NELL2: variants seen among roughly 807,000 people sequenced by gnomAD.
The protein encoded by NELL2 is neural EGFL like 2.
Under a neutral mutation model 109.6 loss-of-function variants are expected in NELL2, and 41 were observed. The observed-to-expected ratio is 0.37, with a 90% confidence interval of 0.29 to 0.49. The LOEUF is 0.49. Ranked by LOEUF, NELL2 falls within the 20% of genes least tolerant of loss-of-function variation. The pLI, the probability that NELL2 is intolerant of heterozygous loss-of-function variation, is 0.98. For synonymous variants in NELL2, 355 were observed against 344.7 expected (o/e 1.03, Z -0.33); for missense variants, 900 against 1,008.3 (o/e 0.89, Z 1.45).
At chr12:44,834,643 G>A (rs1566497447) in intron 2 of NELL2, among the ~76,000 whole-genome samples, 1 of 152,122 alleles carries the variant, frequency 6.6e-6, no homozygotes, top group Non-Finnish European at 1.5e-5. Flanking sequence ...CAAGAGGTCA[G>A]GCCCCTGCCT....
chr12:44,666,503 A>C (rs1011520678), intron 12 of NELL2, among the ~76,000 whole-genome samples: 4 of 152,196 alleles, frequency 2.6e-5, no homozygotes, highest in African/African-American at 9.6e-5. Flanking sequence ...TATACTGTTA[A>C]GAGAAATGGA....
intron 12 of NELL2, among the ~76,000 whole-genome samples, chr12:44,686,022 GT>G: frequency 6.6e-6 from 1 of 152,236 alleles, no homozygotes; most frequent in South Asian, 2.1e-4. Flanking sequence ...TTCCAACTTG[GT>G]TCCATTCTCT....
At chr12:44,794,977 C>G (rs1471916444) in intron 3 of NELL2, among the ~76,000 whole-genome samples, 1 of 152,130 alleles carries the variant, frequency 6.6e-6, no homozygotes, top group African/African-American at 2.4e-5. Context: ...AATTTATGCC[C>G]TTGTTAGTCA....
intron 2 of NELL2, among the ~76,000 whole-genome samples, chr12:44,873,747 A>C (rs112113548): frequency 0.013 from 1,531 of 116,098 alleles, 10 homozygotes; most frequent in African/African-American, 0.012. Flanking sequence ...ACAACAACAA[A>C]AAAAAAAAAA....
intron 9 of NELL2, among the ~76,000 whole-genome samples, chr12:44,741,807 C>A (rs1939987052): frequency 6.6e-6 from 1 of 152,182 alleles, no homozygotes; most frequent in Admixed American, 6.5e-5. Context: ...AACAAAGCAG[C>A]CTGGAAGCTG....
intron 15 of NELL2, among the ~76,000 whole-genome samples, chr12:44,577,438 G>A (rs1944139041): frequency 7.1e-6 from 1 of 140,338 alleles, no homozygotes; most frequent in Non-Finnish European, 1.5e-5. Flanking sequence ...TGTAGATTCT[G>A]GATATTAGCC....
chr12:44,518,420 AT>A (rs1395097692), intron 19 of NELL2, among the ~76,000 whole-genome samples: 8 of 151,652 alleles, frequency 5.3e-5, no homozygotes, highest in Non-Finnish European at 8.8e-5. Flanking sequence ...AATTTTTTGT[AT>A]TTTTTAGTAG....
intron 15 of NELL2, among the ~76,000 whole-genome samples, chr12:44,537,642 C>T (rs938625803): frequency 2.0e-5 from 3 of 151,984 alleles, no homozygotes. Flanking sequence ...TTAAAGATCC[C>T]CAAAACAATG....
chr12:44,614,929 C>T (rs1945764827), intron 13 of NELL2, among the ~76,000 whole-genome samples: 1 of 151,970 alleles, frequency 6.6e-6, no homozygotes, highest in Non-Finnish European at 1.5e-5. Context: ...TGAAAAGTCA[C>T]CATTTAAGTG....
chr12:44,639,865 T>C (rs934463756), intron 13 of NELL2, among the ~76,000 whole-genome samples: 2 of 152,250 alleles, frequency 1.3e-5, no homozygotes, highest in Non-Finnish European at 2.9e-5. Context: ...TTTCAGACTC[T>C]GCATGATCGG....
At chr12:44,807,724 A>G (rs915116936) in intron 3 of NELL2, among the ~76,000 whole-genome samples, 2 of 152,060 alleles carry the variant, frequency 1.3e-5, no homozygotes, top group African/African-American at 4.8e-5. Context: ...CTGATCATTA[A>G]AAGTTACATG....
chr12:44,584,066 G>A (rs1048388325), intron 15 of NELL2, among the ~76,000 whole-genome samples: 10 of 152,166 alleles, frequency 6.6e-5, no homozygotes, highest in African/African-American at 1.4e-4. Context: ...GAGCAACAGC[G>A]CCCAGCCTTA....
At chr12:44,857,886 T>G (rs945749206) in intron 2 of NELL2, among the ~76,000 whole-genome samples, 19 of 152,038 alleles carry the variant, frequency 1.2e-4, no homozygotes, top group Non-Finnish European at 2.2e-4. Flanking sequence ...ACAGCAAAAG[T>G]AGAACAGAAG....
At chr12:44,648,855 C>A (rs1947195997) in intron 13 of NELL2, among the ~76,000 whole-genome samples, 1 of 148,040 alleles carries the variant, frequency 6.8e-6, no homozygotes, top group Admixed American at 6.8e-5. Flanking sequence ...CCTGCCTCAG[C>A]TTCCCAAGTA....
At chr12:44,549,490 G>GTCATAATACA (rs1232070182) in intron 15 of NELL2, among the ~76,000 whole-genome samples, 1 of 152,114 alleles carries the variant, frequency 6.6e-6, no homozygotes, top group African/African-American at 2.4e-5. Flanking sequence ...TATTGTATTT[G>GTCATAATACA]TCATAATACA....
intron 3 of NELL2, among the ~76,000 whole-genome samples, chr12:44,791,138 C>CATATATAT (rs1942401625): frequency 3.9e-5 from 3 of 77,780 alleles, no homozygotes; most frequent in African/African-American, 1.9e-4. Context: ...TATATATACA[C>CATATATAT]ACGCACACAC....
At chr12:44,867,459 T>C (rs1039043111) in intron 2 of NELL2, among the ~76,000 whole-genome samples, 2 of 152,110 alleles carry the variant, frequency 1.3e-5, no homozygotes, top group Non-Finnish European at 2.9e-5. Flanking sequence ...TCAATAAATG[T>C]ATAGAAGAAA....
chr12:44,722,095 T>C (rs1938806341), intron 9 of NELL2, among the ~76,000 whole-genome samples: 1 of 151,292 alleles, frequency 6.6e-6, no homozygotes, highest in South Asian at 2.1e-4. Flanking sequence ...GGAAAAGGAG[T>C]AAGCAATAAA....
chr12:44,512,202 C>G (rs1438641142), intron 19 of NELL2, among the ~76,000 whole-genome samples: 1 of 152,054 alleles, frequency 6.6e-6, no homozygotes, highest in African/African-American at 2.4e-5. Context: ...AGAAGTCATA[C>G]AAATGACCAA....
Sources: gnomAD v4.1 joint callset for allele counts (sites outside exome capture counted in the v4.1 genomes callset) on GRCh38, gnomAD v4.1.1 for gene constraint, MANE v1.5 for transcripts, NCBI Gene and HGNC (gene_info 2026-07-23, HGNC 2026-07-21) for gene names.